Variants in GPR19 observed in about 807,000 individuals in gnomAD.
GPR19 encodes G protein-coupled receptor 19, also known as probable G protein-coupled receptor 19.
A neutral mutation model predicts 28.5 loss-of-function variants in GPR19; 14 were observed. That is an observed-to-expected ratio of 0.49 (90% CI 0.32 to 0.77). GPR19 has a LOEUF of 0.77. Ranked by LOEUF, GPR19 falls within the 30% of genes least tolerant of loss-of-function variation. The pLI is 0.03. For missense variants in GPR19, 409 were observed against 504.1 expected, an observed-to-expected ratio of 0.81 and a Z score of 1.81; for synonymous variants, 173 against 184.1, an observed-to-expected ratio of 0.94 and a Z score of 0.49.
the GPR19 span, chr12:12,717,173 CT>C: frequency 9.6e-7 from 1 of 1,042,210 alleles, no homozygotes; most frequent in Non-Finnish European, 1.2e-6. Context: ...AGCAGTACCC[CT>C]CCAGCAGTCA....
the GPR19 span, among the ~76,000 whole-genome samples, chr12:12,708,818 G>C: frequency 6.6e-6 from 1 of 152,228 alleles, no homozygotes; most frequent in African/African-American, 2.4e-5. Flanking sequence ...GGAAGCCAAG[G>C]CTGGTGGATC....
At chr12:12,700,658 C>T (rs1946317706), upstream of GPR19, among the ~76,000 whole-genome samples, 1 of 152,114 alleles carries the variant, frequency 6.6e-6, no homozygotes, top group Admixed American at 6.5e-5. Flanking sequence ...ATTAAATTCC[C>T]TCTGACACTT....
chr12:12,700,149 C>A (rs1031396192), upstream of GPR19, among the ~76,000 whole-genome samples: 1 of 31,428 alleles, frequency 3.2e-5, no homozygotes, highest in Non-Finnish European at 1.1e-4. Flanking sequence ...CTTCTTTTTT[C>A]TCTCTCTTTC....
intron 3 of GPR19, among the ~76,000 whole-genome samples, chr12:12,668,178 T>A (rs2136321237): frequency 6.6e-6 from 1 of 152,294 alleles, no homozygotes; most frequent in African/African-American, 2.4e-5. Context: ...CATTAGCCAG[T>A]TTAGTGTTTA....
upstream of GPR19, among the ~76,000 whole-genome samples, chr12:12,698,165 A>G (rs1300001624): frequency 6.6e-6 from 1 of 152,232 alleles, no homozygotes; most frequent in East Asian, 1.9e-4. Context: ...CTCCTAGTTC[A>G]TTTACATGTG....
chr12:12,679,796 A>C (rs960192650), intron 3 of GPR19, among the ~76,000 whole-genome samples: 2 of 152,198 alleles, frequency 1.3e-5, no homozygotes, highest in Admixed American at 1.3e-4. Context: ...CTGGGGTTCA[A>C]GTCACTTATA....
At chr12:12,714,647 T>G in the GPR19 span, among the ~76,000 whole-genome samples, 7 of 151,806 alleles carry the variant, frequency 4.6e-5, no homozygotes, top group Non-Finnish European at 1.0e-4. Flanking sequence ...CTTTCCGTCT[T>G]TTACCAGGGT....
At chr12:12,680,919 C>T (rs1020384598) in intron 3 of GPR19, among the ~76,000 whole-genome samples, 1 of 152,100 alleles carries the variant, frequency 6.6e-6, no homozygotes, top group Non-Finnish European at 1.5e-5. Flanking sequence ...GAACTCCGGA[C>T]CTTAAGTATT....
chr12:12,685,686 G>C (rs1204150968), intron 2 of GPR19, among the ~76,000 whole-genome samples: 3 of 152,168 alleles, frequency 2.0e-5, no homozygotes, highest in Non-Finnish European at 4.4e-5. Context: ...CTAGGAATTA[G>C]TATGGACACT....
intron 3 of GPR19, among the ~76,000 whole-genome samples, chr12:12,667,059 C>T (rs1316401759): frequency 1.3e-5 from 2 of 151,908 alleles, no homozygotes; most frequent in African/African-American, 4.9e-5. Context: ...CTCCCCTGCT[C>T]CATTAATTTA....
upstream of GPR19, among the ~76,000 whole-genome samples, chr12:12,697,827 A>C (rs1331354062): frequency 6.6e-6 from 1 of 152,174 alleles, no homozygotes; most frequent in African/African-American, 2.4e-5. Context: ...TTTTAACACA[A>C]ATTTGTACCA....
Position 12,694,188 on chromosome 12 carries a change from C to CTTTTTTTTTTTTTTTTTTTTT in GPR19, c.-180+1250_-180+1270dup. Among the ~76,000 whole-genome samples the CTTTTTTTTTTTTTTTTTTTTT allele has an allele frequency of 4.6e-5, 2 of 43,850 alleles. 1 individual carries two copies. Among genetic ancestry groups the CTTTTTTTTTTTTTTTTTTTTT allele is most frequent in the Non-Finnish European group, 8.0e-5 (2 of 25,120 alleles). The allele number at this position is 43,850 out of a possible 152,430, so 28.8% of individuals were successfully genotyped here. A position where few individuals can be genotyped will look rare whatever the true frequency, so the allele number is the denominator to read the frequency against. On this transcript the variant is annotated intron_variant, in intron 2 of 3. Transcript: ENST00000651487. ...TGTGTGGGCATGGTAGAGTACCTGT[C>CTTTTTTTTTTTTTTTTTTTTT]TTTTTTTTTTTTTTTTTTTTTTTTT...
rs1055904455 is a variant in GPR19, at chr12:12,677,228, A to G, written c.-23+7123T>C. Among the ~76,000 whole-genome samples, 40 of 140,172 alleles carry G rather than the reference A, an allele frequency of 2.9e-4. No individual in the cohort carries two copies. The East Asian group carries it at 6.7e-3, about 23-fold the overall frequency. The allele number at this position is 140,172 out of a possible 152,430, so 92.0% of individuals were successfully genotyped here. On this transcript the variant is annotated intron_variant, in intron 3 of 3. Transcript: ENST00000651487. ...AATTTTTTTTTTTTTTTTTTTTGAG[A>G]CAGAGTCTCGTTCTGTCTCCCAGGC...
upstream of GPR19, among the ~76,000 whole-genome samples, chr12:12,700,406 C>T (rs935989171): frequency 1.3e-5 from 2 of 152,048 alleles, no homozygotes; most frequent in Non-Finnish European, 2.9e-5. Context: ...AAAAATGTTT[C>T]CCATATGATG....
At chr12:12,689,781 G>A (rs1308389678) in intron 2 of GPR19, among the ~76,000 whole-genome samples, 1 of 152,206 alleles carries the variant, frequency 6.6e-6, no homozygotes, top group Admixed American at 6.5e-5. Flanking sequence ...TGACAGAAGT[G>A]ATTCTGTGAC....
intron 3 of GPR19, among the ~76,000 whole-genome samples, chr12:12,675,613 G>T (rs74061743): frequency 6.6e-6 from 1 of 152,170 alleles, no homozygotes; most frequent in African/African-American, 2.4e-5. Context: ...GCAGCAGCAG[G>T]AGAAGTCAGA....
the GPR19 span, among the ~76,000 whole-genome samples, chr12:12,709,269 T>C: frequency 6.6e-6 from 1 of 152,126 alleles, no homozygotes; most frequent in Non-Finnish European, 1.5e-5. Context: ...TAGGGAGTAG[T>C]ACCTCATGAG....
the GPR19 span, among the ~76,000 whole-genome samples, chr12:12,708,624 T>C: frequency 6.7e-6 from 1 of 148,390 alleles, no homozygotes; most frequent in African/African-American, 2.5e-5. Context: ...CCTTCTCTGC[T>C]CTCTTTTGTG....
chr12:12,669,695 C>A (rs1422914499), intron 3 of GPR19, among the ~76,000 whole-genome samples: 3 of 152,200 alleles, frequency 2.0e-5, no homozygotes, highest in South Asian at 4.1e-4. Context: ...TTTTTTCCCC[C>A]CTCTGCAGAG....
Sources: allele counts gnomAD v4.1 joint callset (sites outside exome capture counted in the v4.1 genomes callset), GRCh38; gene constraint gnomAD v4.1.1; transcripts MANE v1.5; gene names NCBI Gene and HGNC (gene_info 2026-07-23, HGNC 2026-07-21).